Variants in CACNA1C observed in about 807,000 individuals in gnomAD.
The protein encoded by CACNA1C is calcium voltage-gated channel subunit alpha1 C.
CACNA1C carries 30 observed loss-of-function variants against 229.0 expected under a neutral mutation model. The ratio of observed to expected loss-of-function variants is 0.13; its 90% CI spans 0.10 to 0.18. The LOEUF is 0.18. CACNA1C is among the 10% of genes least tolerant of loss of function. The probability of loss-of-function intolerance (pLI) is 1.00; values close to 1 mark genes in which losing one functional copy is unlikely to be tolerated. For synonymous variants in CACNA1C, 1,114 were observed against 1,132.5 expected, an observed-to-expected ratio of 0.98 and a Z score of 0.33; for missense variants, 1,658 against 2,845.0, an observed-to-expected ratio of 0.58 and a Z score of 9.49.
intron 1 of CACNA1C, among the ~76,000 whole-genome samples, chr12:2,061,507 G>C (rs1376791778): frequency 6.6e-6 from 1 of 151,042 alleles, no homozygotes; most frequent in Non-Finnish European, 1.5e-5. Context: ...AGGAGCCTGT[G>C]GCCAGTAGGC....
At chr12:2,554,372 C>A (rs1472056211) in intron 10 of CACNA1C, among the ~76,000 whole-genome samples, 1 of 152,188 alleles carries the variant, frequency 6.6e-6, no homozygotes, top group Non-Finnish European at 1.5e-5. Context: ...TTCTCTCCCT[C>A]CTCGCTCTTC....
Position 2,610,607 on chromosome 12 carries a change from C to G in CACNA1C, c.3625C>G (p.Gln1209Glu). Residue 1209 changes from glutamine (Q) to glutamate (E), a missense_variant, in exon 28 of 47, where the codon CAG (glutamine) becomes GAG (glutamate). Transcript: ENST00000399655. ...GAGGTACATCCCCAAGAACCAGCAC[C>G]AGTACAAAGTGTGGTACGTGGTCAA... ...LRRYIPKNQHQYKVWYVVNST... is the reference protein window; with the variant it reads ...LRRYIPKNQHEYKVWYVVNST... 6.2e-7 allele frequency: 1 copy of G among 1,614,160 alleles called. No homozygotes were observed. Among genetic ancestry groups the G allele is most frequent in the Non-Finnish European group, 8.5e-7 (1 of 1,179,988 alleles).
At chr12:2,626,526 G>A (rs1451680904) in intron 29 of CACNA1C, among the ~76,000 whole-genome samples, 4 of 152,194 alleles carry the variant, frequency 2.6e-5, no homozygotes, top group African/African-American at 7.2e-5. Context: ...TCTTCAGAGT[G>A]CATGGTGCTG....
At chr12:2,019,293 C>G (rs2045962517) in intron 1 of CACNA1C, among the ~76,000 whole-genome samples, 1 of 151,982 alleles carries the variant, frequency 6.6e-6, no homozygotes, top group African/African-American at 2.4e-5. Flanking sequence ...GAGATCCCAT[C>G]ACTACAAAAA....
intron 9 of CACNA1C, among the ~76,000 whole-genome samples, chr12:2,532,573 A>G (rs1429043679): frequency 2.0e-5 from 3 of 152,154 alleles, no homozygotes; most frequent in Non-Finnish European, 2.9e-5. Flanking sequence ...CCCAGGGCCC[A>G]TGTTCTGGCT....
In CACNA1C at chr12:2,479,097, A is replaced by G. The variant is rs891499581; in HGVS notation, c.758-7007A>G. Among the ~76,000 whole-genome samples the G allele has an allele frequency of 6.6e-6, 1 of 152,046 alleles. No homozygotes were observed. Among genetic ancestry groups the G allele is most frequent in the Non-Finnish European group, 1.5e-5 (1 of 68,016 alleles). ...TGATCTACATTTTCTTAGAATCTGC[A>G]TCGCAAATCCAAGGATAGTGAGGTT... On this transcript the variant is annotated intron_variant, in intron 5 of 46. Coordinates refer to ENST00000399655, the MANE Select transcript of CACNA1C (RefSeq NM_000719.7). This position sits in a 1 kb window ranked among gnomAD's most constrained non-coding sequence, Gnocchi z 4.3.
At chr12:2,224,085 G>A (rs1200378392) in intron 3 of CACNA1C, among the ~76,000 whole-genome samples, 1 of 152,180 alleles carries the variant, frequency 6.6e-6, no homozygotes, top group African/African-American at 2.4e-5. Context: ...ACTCTGACAG[G>A]TAGAGATGGT....
intron 11 of CACNA1C, among the ~76,000 whole-genome samples, chr12:2,564,710 TC>T (rs1192397816): frequency 6.6e-6 from 1 of 152,218 alleles, no homozygotes; most frequent in Admixed American, 6.5e-5. Flanking sequence ...ATTCTGCACA[TC>T]CGCTCATCTC....
intron 3 of CACNA1C, among the ~76,000 whole-genome samples, chr12:2,424,048 G>A (rs1282991911): frequency 6.6e-6 from 1 of 151,868 alleles, no homozygotes; most frequent in Admixed American, 6.5e-5. Flanking sequence ...AGTAACCCGC[G>A]CACATTATGT....
chr12:2,345,548 A>G (rs943415903), intron 3 of CACNA1C, among the ~76,000 whole-genome samples: 1 of 152,106 alleles, frequency 6.6e-6, no homozygotes, highest in African/African-American at 2.4e-5. Context: ...CCATTTCACA[A>G]ATGTTGAAAC....
Position 1,971,031 on chromosome 12 carries a change from T to A in CACNA1C, c.-32T>A, listed in dbSNP as rs982896211. ...CAGGATAATTATTTAGCTTTAAAAATCAACCAATTAATATACATCTGGAAA... is the reference window on the plus strand; with the variant it reads ...CAGGATAATTATTTAGCTTTAAAAAACAACCAATTAATATACATCTGGAAA... On this transcript the variant is annotated 5_prime_UTR_variant, in exon 1 of 47. Coordinates refer to the CACNA1C transcript ENST00000682462. The surrounding 1 kb of genome is among the most constrained non-coding windows in gnomAD (Gnocchi z 4.2). 4.0e-6 allele frequency: 5 copies of A among 1,257,396 alleles called. No individual in the cohort carries two copies. The highest frequency in any genetic ancestry group is 5.2e-6 in the Non-Finnish European group (5 of 967,606). 77.9% of individuals were successfully genotyped at this position (1,257,396 alleles called of 1,614,324 possible). A position where few individuals can be genotyped will look rare whatever the true frequency, so the allele number is the denominator to read the frequency against.
rs1243958670 is a variant in CACNA1C at position 2,654,717 on chromosome 12, C to A, written c.4141-430C>A. 6.6e-6 allele frequency among the ~76,000 whole-genome samples: 1 copy of A among 152,240 alleles called. No homozygotes were observed. The highest frequency in any genetic ancestry group is 1.5e-5 in the Non-Finnish European group (1 of 68,036). On this transcript the variant is annotated intron_variant, in intron 33 of 46. Transcript: ENST00000399655. The surrounding 1 kb of genome is among the most constrained non-coding windows in gnomAD (Gnocchi z 4.4). ...AGGAAGAAAAGGGATTTCAGGAATGCATTAAGCTTGCCCTAGCCTCAGATC... is the reference window on the plus strand; with the variant it reads ...AGGAAGAAAAGGGATTTCAGGAATGAATTAAGCTTGCCCTAGCCTCAGATC...
intron 2 of CACNA1C, among the ~76,000 whole-genome samples, chr12:2,116,622 C>G (rs984187592): frequency 1.3e-5 from 2 of 152,114 alleles, no homozygotes; most frequent in Non-Finnish European, 2.9e-5. Context: ...CTGCCTCGGC[C>G]TCCCAAAGTG....
chr12:2,001,963 G>C (rs73597549), intron 1 of CACNA1C, among the ~76,000 whole-genome samples: 4,945 of 152,268 alleles, frequency 0.032, 269 homozygotes, highest in African/African-American at 0.11. Flanking sequence ...GAAAATACCA[G>C]GGTTATGGTC....
At chr12:2,180,863 C>G (rs1169254566) in intron 3 of CACNA1C, among the ~76,000 whole-genome samples, 2 of 152,214 alleles carry the variant, frequency 1.3e-5, no homozygotes, top group Non-Finnish European at 2.9e-5. Flanking sequence ...TGGCACAGAG[C>G]TGAGTGCAGA....
rs1298871673 is a variant in CACNA1C, at chr12:2,512,809, C to T, written c.1218-3C>T. 2 of 1,608,358 alleles carry T rather than the reference C, an allele frequency of 1.2e-6. No homozygotes were observed. Among genetic ancestry groups the T allele is most frequent in the South Asian group, 1.1e-5 (1 of 89,664 alleles). ...GCCCTGCCCCTCCTCTCACTCTCAC[C>T]AGAGAGTTTTCCAAAGAGAGGGAGA... On this transcript the variant is annotated splice_polypyrimidine_tract_variant and splice_region_variant and intron_variant, in intron 8 of 46. Coordinates refer to ENST00000399655, the MANE Select transcript of CACNA1C (RefSeq NM_000719.7). This position sits in a 1 kb window ranked among gnomAD's most constrained non-coding sequence, Gnocchi z 4.3.
chr12:2,599,364 T>C (rs2070647047), intron 21 of CACNA1C, among the ~76,000 whole-genome samples: 1 of 152,206 alleles, frequency 6.6e-6, no homozygotes, highest in Non-Finnish European at 1.5e-5. Context: ...GGGGGACATT[T>C]AGCACAAGGA....
At chr12:2,362,197 C>T (rs1192655346) in intron 3 of CACNA1C, among the ~76,000 whole-genome samples, 1 of 152,134 alleles carries the variant, frequency 6.6e-6, no homozygotes, top group Non-Finnish European at 1.5e-5. Flanking sequence ...GGTGTAGCCC[C>T]AGCTCTGAGG....
At chr12:2,028,375 A>G (rs1256433760) in intron 1 of CACNA1C, among the ~76,000 whole-genome samples, 1 of 152,174 alleles carries the variant, frequency 6.6e-6, no homozygotes, top group Non-Finnish European at 1.5e-5. Context: ...AAAACTATTG[A>G]TCTAGTCCAA....
Sources: allele counts gnomAD v4.1 joint callset (sites outside exome capture counted in the v4.1 genomes callset), GRCh38; gene constraint gnomAD v4.1.1; non-coding constraint Gnocchi (gnomAD v3.1); transcripts MANE v1.5; gene names NCBI Gene and HGNC (gene_info 2026-07-23, HGNC 2026-07-21).